Variants in CHD9 observed in about 807,000 individuals in gnomAD.
CHD9 encodes the protein chromodomain helicase DNA binding protein 9, also known as ATP-dependent chromatin remodeler CHD9.
CHD9 carries 77 observed loss-of-function variants against 316.1 expected under a neutral mutation model. The observed-to-expected ratio is 0.24, with a 90% confidence interval of 0.20 to 0.29. The LOEUF (loss-of-function observed/expected upper bound fraction) is 0.29, where lower values mean the gene tolerates loss of function less well. CHD9 is among the 10% of genes least tolerant of loss of function. The probability of loss-of-function intolerance (pLI) is 1.00; values close to 1 mark genes in which losing one functional copy is unlikely to be tolerated. For missense variants in CHD9, 2,763 were observed against 3,438.1 expected (o/e 0.80, Z 4.91); for synonymous variants, 1,129 against 1,158.3 (o/e 0.97, Z 0.51).
chr16:53,160,910 A>AC (rs1227206891), intron 2 of CHD9, among the ~76,000 whole-genome samples: 1 of 152,060 alleles, frequency 6.6e-6, no homozygotes, highest in Non-Finnish European at 1.5e-5. Context: ...CTGTCTCAAA[A>AC]CAAAAAAAGA....
chr16:53,271,586 A>G lies in CHD9; in HGVS notation c.4718-2040A>G, dbSNP rs112229506. ...TCTGTCTCAGAAGAAAAAAAAAAAG[A>G]AAAAGAAAAAGAAAAAAAAACATTA... On this transcript the variant is annotated intron_variant, in intron 22 of 38. Transcript: ENST00000447540. 3.0e-3 allele frequency among the ~76,000 whole-genome samples: 454 copies of G among 151,910 alleles called. 3 individuals carry two copies. Among genetic ancestry groups the G allele is most frequent in the African/African-American group, 0.01 (422 of 41,472 alleles).
chr16:53,175,908 G>A (rs1475807148), intron 2 of CHD9, among the ~76,000 whole-genome samples: 1 of 152,168 alleles, frequency 6.6e-6, no homozygotes, highest in Non-Finnish European at 1.5e-5. Context: ...GAGTCATACA[G>A]ATAGTGGCAA....
intron 1 of CHD9, among the ~76,000 whole-genome samples, chr16:53,083,896 G>A (rs1277473467): frequency 6.6e-6 from 1 of 151,900 alleles, no homozygotes; most frequent in Non-Finnish European, 1.5e-5. Flanking sequence ...GACTACAAGT[G>A]TGCATCACTA....
At chr16:53,238,660 T>G in intron 12 of CHD9, 74 bp downstream of exon 12, 1 of 1,455,356 alleles carries the variant, frequency 6.9e-7, no homozygotes, top group Non-Finnish European at 9.4e-7. Flanking sequence ...TACCAATTAT[T>G]TTCAAATTTA....
At position 53,304,531 on chromosome 16, in the gene CHD9, T is replaced by A; in HGVS notation, c.6525T>A (p.Ser2175=). Residue 2175 remains serine, a synonymous_variant, in exon 31 of 39, where the codon TCT becomes TCA. Coordinates refer to ENST00000447540, the MANE Select transcript of CHD9 (RefSeq NM_001308319.2). The part of the protein sequence containing the change: ...SSSSSSCSSA[S]SSSSSSTSSS... ...CATCTTCATCTTGTTCTTCAGCATC[T>A]TCTTCATCCTCTTCCTCCACCTCTT... The A allele has an allele frequency of 6.5e-7, 1 of 1,547,140 alleles. No individual in the cohort carries two copies. The highest frequency in any genetic ancestry group is 8.8e-7 in the Non-Finnish European group (1 of 1,142,730).
At chr16:53,307,641 AATT>A in intron 32 of CHD9, 37 bp from the exon 33 acceptor site, 1 of 1,533,020 alleles carries the variant, frequency 6.5e-7, no homozygotes, top group South Asian at 1.2e-5. Context: ...GGTCTGATCT[AATT>A]ATTAAAATTA....
chr16:53,069,873 T>G (rs1438264342), intron 1 of CHD9, among the ~76,000 whole-genome samples: 1 of 152,126 alleles, frequency 6.6e-6, no homozygotes, highest in Non-Finnish European at 1.5e-5. Flanking sequence ...AAGGTTTCCA[T>G]TTCTCCACAT....
intron 2 of CHD9, among the ~76,000 whole-genome samples, chr16:53,208,986 A>G (rs1418898490): frequency 6.6e-6 from 1 of 152,174 alleles, no homozygotes; most frequent in African/African-American, 2.4e-5. Flanking sequence ...CTAACTAGCT[A>G]TGTTGCTGCA....
chr16:53,317,918 A>G (rs1228455895), intron 36 of CHD9, among the ~76,000 whole-genome samples: 1 of 152,046 alleles, frequency 6.6e-6, no homozygotes, highest in East Asian at 1.9e-4. Context: ...TTAGCCAGGC[A>G]TGGTAGCACA....
chr16:53,291,676 A>C, intron 27 of CHD9, 49 bp from the exon 28 acceptor site: 1 of 1,246,398 alleles, frequency 8.0e-7, no homozygotes, highest in Non-Finnish European at 1.1e-6. Context: ...TTTTTTATAT[A>C]TCTCTTGACC....
chr16:53,223,907 C>T (rs1354465059), intron 4 of CHD9, among the ~76,000 whole-genome samples: 2 of 152,014 alleles, frequency 1.3e-5, no homozygotes. Flanking sequence ...GGTTTGGAAT[C>T]AGCTGGAAAT....
At chr16:53,286,450 A>G (rs953048297) in intron 26 of CHD9, 107 bp downstream of exon 26, 2 of 631,610 alleles carry the variant, frequency 3.2e-6, no homozygotes, top group Admixed American at 5.5e-5. Context: ...CAGTAAGGGA[A>G]TTGGAGTTTA....
intron 13 of CHD9, 60 bp downstream of exon 13, chr16:53,243,076 T>A (rs2049244023): frequency 8.1e-7 from 1 of 1,238,358 alleles, no homozygotes; most frequent in Non-Finnish European, 1.1e-6. Context: ...AGTGAAAGGT[T>A]ATAGAGTTAA....
chr16:53,278,493 CAT>C (rs553847954), intron 24 of CHD9, among the ~76,000 whole-genome samples: 8 of 152,094 alleles, frequency 5.3e-5, no homozygotes, highest in Non-Finnish European at 1.0e-4. Context: ...CAAACAAAAA[CAT>C]AAAGTGGGGA....
At chr16:53,288,238 T>G (rs547546549) in intron 27 of CHD9, among the ~76,000 whole-genome samples, 2 of 152,304 alleles carry the variant, frequency 1.3e-5, no homozygotes, top group South Asian at 2.1e-4. Context: ...CTTGGACATG[T>G]GGATGCAATG....
At chr16:53,232,136 G>T (rs2152927389) in intron 10 of CHD9, among the ~76,000 whole-genome samples, 1 of 152,234 alleles carries the variant, frequency 6.6e-6, no homozygotes, top group Non-Finnish European at 1.5e-5. Flanking sequence ...TTATTTTCCA[G>T]TAATGTCCGT....
chr16:53,269,463 A>ATTAG (rs1416900084), intron 22 of CHD9, among the ~76,000 whole-genome samples: 12 of 152,218 alleles, frequency 7.9e-5, no homozygotes. Context: ...AAGAATGTAC[A>ATTAG]TTAGTTATAG....
At chr16:53,268,608 C>T (rs2153002267) in intron 22 of CHD9, among the ~76,000 whole-genome samples, 1 of 152,220 alleles carries the variant, frequency 6.6e-6, no homozygotes, top group Admixed American at 6.5e-5. Context: ...AGCTTATATA[C>T]ATCTTTAGAA....
At chr16:53,308,059 G>A in intron 33 of CHD9, 106 bp downstream of exon 33, 1 of 951,070 alleles carries the variant, frequency 1.1e-6, no homozygotes, top group Non-Finnish European at 1.5e-6. Flanking sequence ...TCACATACCT[G>A]TTTCTTGGTA....
Sources: allele counts gnomAD v4.1 joint callset (sites outside exome capture counted in the v4.1 genomes callset), GRCh38; gene constraint gnomAD v4.1.1; transcripts MANE v1.5; gene names NCBI Gene and HGNC (gene_info 2026-07-23, HGNC 2026-07-21).